The following OTULIN variants were observed in gnomAD, a reference collection of about 807,000 sequenced individuals.
OTULIN encodes OTU deubiquitinase with linear linkage specificity.
A neutral mutation model predicts 39.6 loss-of-function variants in OTULIN; 15 were observed. The observed-to-expected ratio is 0.38, with a 90% CI of 0.25 to 0.58. The LOEUF (loss-of-function observed/expected upper bound fraction) is 0.58. Among genes scored for constraint, OTULIN ranks in the 20% least tolerant of loss-of-function variants. OTULIN has a pLI of 0.66. For missense variants in OTULIN, 319 were observed against 445.9 expected (o/e 0.72, Z 2.56); for synonymous variants, 156 against 170.3 (o/e 0.92, Z 0.65).
the OTULIN span, among the ~76,000 whole-genome samples, chr5:14,716,464 C>T: frequency 3.9e-5 from 6 of 151,998 alleles, no homozygotes; most frequent in Admixed American, 3.9e-4. Flanking sequence ...TGCATTCCAG[C>T]CTGGGTGACG....
downstream of OTULIN, among the ~76,000 whole-genome samples, chr5:14,700,829 G>A (rs147722306): frequency 6.6e-4 from 101 of 152,164 alleles, no homozygotes; most frequent in African/African-American, 2.3e-3. Context: ...CCTACCCCTG[G>A]TGAAAACTCA....
chr5:14,684,037 T>G (rs549330753), intron 4 of OTULIN, among the ~76,000 whole-genome samples: 2 of 152,324 alleles, frequency 1.3e-5, no homozygotes, highest in East Asian at 3.9e-4. Context: ...AATGTGAAAA[T>G]AGTTTTAAAA....
Position 14,681,481 on chromosome 5 carries a change from T to C in OTULIN, c.342T>C (p.Ser114=). ...TTTCCCAGGGCTATGAAGAGGTTTC[T>C]CAGAAGTTCACCTCCATACGGCGAG... ...TCMKMGYEEV[S]QKFTSIRRVR... is the part of the protein sequence containing the mutation. The change falls in exon 4 of 7, where the codon TCT becomes TCC. Residue 114 remains serine, a synonymous_variant. Coordinates refer to ENST00000284274, the MANE Select transcript of OTULIN (RefSeq NM_138348.6). 6.2e-7 allele frequency: 1 copy of C among 1,612,522 alleles called. No individual in the cohort carries two copies. Among genetic ancestry groups the C allele is most frequent in the African/African-American group, 1.3e-5 (1 of 74,968 alleles).
At chr5:14,676,861 A>C (rs1736116482) in intron 2 of OTULIN, among the ~76,000 whole-genome samples, 1 of 152,158 alleles carries the variant, frequency 6.6e-6, no homozygotes, top group African/African-American at 2.4e-5. Flanking sequence ...CCATCCACTA[A>C]GTAGACATGC....
the OTULIN span, chr5:14,709,754 C>T: frequency 6.6e-6 from 1 of 152,526 alleles, no homozygotes; most frequent in Non-Finnish European, 1.5e-5. Flanking sequence ...CAATAAGGTA[C>T]AATGTTCATT....
chr5:14,665,534 T>C (rs1735815629), intron 1 of OTULIN, among the ~76,000 whole-genome samples: 1 of 152,142 alleles, frequency 6.6e-6, no homozygotes, highest in Non-Finnish European at 1.5e-5. Flanking sequence ...AATTTCTTAC[T>C]GTACTGTGAA....
At chr5:14,678,038 A>G (rs1188233314) in intron 2 of OTULIN, among the ~76,000 whole-genome samples, 1 of 152,168 alleles carries the variant, frequency 6.6e-6, no homozygotes, top group East Asian at 1.9e-4. Flanking sequence ...GTATTTTTGT[A>G]TGGGTGTGTG....
intron 1 of OTULIN, among the ~76,000 whole-genome samples, chr5:14,669,905 T>G (rs1394632502): frequency 3.3e-5 from 5 of 152,216 alleles, no homozygotes; most frequent in Non-Finnish European, 5.9e-5. Context: ...TCTCAAACAT[T>G]TATCATTTCT....
intron 5 of OTULIN, among the ~76,000 whole-genome samples, chr5:14,689,310 A>G (rs1308923454): frequency 2.6e-5 from 4 of 152,238 alleles, no homozygotes; most frequent in Non-Finnish European, 1.5e-5. Flanking sequence ...TCACTCTTGT[A>G]TTTAAAATCC....
At chr5:14,712,619 C>T in the OTULIN span, among the ~76,000 whole-genome samples, 2 of 152,228 alleles carry the variant, frequency 1.3e-5, no homozygotes, top group Admixed American at 1.3e-4. Context: ...TTCTGAAATC[C>T]ATGTCCACAC....
chr5:14,713,033 G>A, the OTULIN span: 84 of 1,505,856 alleles, frequency 5.6e-5, no homozygotes, highest in South Asian at 7.9e-4. This position sits in a 1 kb window ranked among gnomAD's most constrained non-coding sequence, Gnocchi z 4.4. Flanking sequence ...CACAACCGTC[G>A]ATGCCAAAAC....
At chr5:14,683,945 A>G (rs1420956908) in intron 4 of OTULIN, among the ~76,000 whole-genome samples, 1 of 152,210 alleles carries the variant, frequency 6.6e-6, no homozygotes, top group Non-Finnish European at 1.5e-5. Context: ...GGTAGATTAC[A>G]TTCAAACTCT....
At position 14,664,770 on chromosome 5, in the gene OTULIN, G is replaced by T. The variant is rs117369308; in HGVS notation, c.-56G>T. ...GCGGCCACTGCCTGGCACCCCGACGGGAGGGGCTCCGGATCGTTCGGAGCC... is the reference window on the plus strand; with the variant it reads ...GCGGCCACTGCCTGGCACCCCGACGTGAGGGGCTCCGGATCGTTCGGAGCC... On this transcript the variant is annotated 5_prime_UTR_variant, in exon 1 of 7. Coordinates refer to ENST00000284274, the MANE Select transcript of OTULIN (RefSeq NM_138348.6). The T allele has an allele frequency of 2.1e-4, 233 of 1,125,322 alleles. No homozygotes were observed. The East Asian group carries it at 8.2e-3, about 40-fold the overall frequency. The allele number at this position is 1,125,322 out of a possible 1,614,324, so 69.7% of individuals were successfully genotyped here. A position where few individuals can be genotyped will look rare whatever the true frequency, so the allele number is the denominator to read the frequency against.
At chr5:14,703,097 G>T (rs1736830660), downstream of OTULIN, among the ~76,000 whole-genome samples, 1 of 152,136 alleles carries the variant, frequency 6.6e-6, no homozygotes, top group Non-Finnish European at 1.5e-5. Flanking sequence ...GAGGCGTCTA[G>T]TCACTTGCCT....
In OTULIN at chr5:14,696,049, A is replaced by G. The variant is rs1386602796; in HGVS notation, c.*3001A>G. On this transcript the variant is annotated 3_prime_UTR_variant, in exon 7 of 7. Transcript: ENST00000284274. ...GCTTATCAGGTAAAAATCTCAAGCCACATGAATTGTTAACACCTCTGTTGG... is the reference window on the plus strand; with the variant it reads ...GCTTATCAGGTAAAAATCTCAAGCCGCATGAATTGTTAACACCTCTGTTGG... The G allele has an allele frequency of 6.6e-6, 1 of 150,598 alleles. No individual in the cohort carries two copies. Among genetic ancestry groups the G allele is most frequent in the African/African-American group, 2.4e-5 (1 of 40,854 alleles). The allele number at this position is 150,598 out of a possible 1,614,324, so 9.3% of individuals were successfully genotyped here. A position where few individuals can be genotyped will look rare whatever the true frequency, so the allele number is the denominator to read the frequency against.
At chr5:14,678,563 TG>T in intron 2 of OTULIN, 117 bp from the exon 3 acceptor site, 1 of 720,988 alleles carries the variant, frequency 1.4e-6, no homozygotes, top group Non-Finnish European at 2.2e-6. Context: ...GGTTGAATTC[TG>T]GATTTTTTGA....
intron 4 of OTULIN, among the ~76,000 whole-genome samples, chr5:14,686,138 A>T (rs187130104): frequency 6.6e-6 from 1 of 152,350 alleles, no homozygotes; most frequent in African/African-American, 2.4e-5. Context: ...AAACCACCTT[A>T]GTTCACACGA....
chr5:14,700,476 G>T (rs1345644577), downstream of OTULIN, among the ~76,000 whole-genome samples: 1 of 152,116 alleles, frequency 6.6e-6, no homozygotes, highest in African/African-American at 2.4e-5. Context: ...GCCAGGCATG[G>T]TTCCAAACTT....
rs553992322 is a variant in OTULIN, at chr5:14,689,419, A to G, written c.595-620A>G. On this transcript the variant is annotated intron_variant, in intron 5 of 6. Transcript: ENST00000284274. ...CTCATTCACTGTAACTTAAAAGCAC[A>G]TATATTTATAGGTTTTCTTTTTTAA... Among the ~76,000 whole-genome samples the G allele has an allele frequency of 5.2e-4, 79 of 152,338 alleles. No homozygotes were observed. In the South Asian group the frequency reaches 9.1e-3, roughly 18 times the overall value.
Sources: allele counts gnomAD v4.1 joint callset (sites outside exome capture counted in the v4.1 genomes callset), GRCh38; gene constraint gnomAD v4.1.1; non-coding constraint Gnocchi (gnomAD v3.1); transcripts MANE v1.5; gene names NCBI Gene and HGNC (gene_info 2026-07-23, HGNC 2026-07-21).